The following WNK1 variants were observed in gnomAD, a reference collection of about 807,000 sequenced individuals.
WNK1 encodes the protein serine/threonine-protein kinase WNK1.
A neutral mutation model predicts 222.8 loss-of-function variants in WNK1; 38 were observed. The ratio of observed to expected loss-of-function variants is 0.17; its 90% CI spans 0.13 to 0.22. The LOEUF (loss-of-function observed/expected upper bound fraction) is 0.22. Ranked by LOEUF, WNK1 falls within the 10% of genes least tolerant of loss-of-function variation. The pLI is 1.00. For missense variants in WNK1, 2,348 were observed against 2,918.4 expected (o/e 0.80, Z 4.50); for synonymous variants, 1,090 against 1,092.9 (o/e 1.00, Z 0.05).
At chr12:842,746 T>C (rs1949723044) in intron 4 of WNK1, among the ~76,000 whole-genome samples, 3 of 152,148 alleles carry the variant, frequency 2.0e-5, no homozygotes, top group African/African-American at 7.2e-5. Context: ...AGGGAGATGC[T>C]CAGCAACTGT....
chr12:846,661 CTTTG>C (rs1475386430), intron 4 of WNK1, among the ~76,000 whole-genome samples: 6 of 152,090 alleles, frequency 3.9e-5, no homozygotes, highest in Admixed American at 1.3e-4. Flanking sequence ...TTTTTAATTA[CTTTG>C]TTTGTGTAAT....
At chr12:802,902 A>T in intron 1 of WNK1, among the ~76,000 whole-genome samples, 1 of 152,234 alleles carries the variant, frequency 6.6e-6, no homozygotes, top group East Asian at 1.9e-4. Context: ...AACTAGTTTC[A>T]TAAAGTTAGA....
In WNK1 at chr12:861,185, C is replaced by T; in HGVS notation, c.1793C>T (p.Ala598Val). 1.2e-6 allele frequency: 2 copies of T among 1,614,050 alleles called. No individual in the cohort carries two copies. Among genetic ancestry groups the T allele is most frequent in the Non-Finnish European group, 1.7e-6 (2 of 1,179,986 alleles). The change falls in exon 7 of 28, where the codon GCT becomes GTT. Residue 598 changes from alanine to valine, a missense_variant. Around this residue, in one of 13 missense-constraint regions of WNK1, gnomAD observed 103 missense variants for 111.5 expected, o/e 0.92. Coordinates refer to ENST00000315939, the MANE Select transcript of WNK1 (RefSeq NM_018979.4). The stretch of plus-strand genomic sequence containing the variant: ...AAACAGCAGGTAGAACAATCCAGTG[C>T]TTCCCAGACAGGAATCAAGCAGCTC... The part of the protein sequence containing the change: ...SLKQQVEQSS[A>V]SQTGIKQLPS...
intron 4 of WNK1, among the ~76,000 whole-genome samples, chr12:846,850 G>A (rs541070542): frequency 6.6e-6 from 1 of 152,274 alleles, no homozygotes; most frequent in African/African-American, 2.4e-5. Context: ...ATTAGATGGT[G>A]TTTAAAAAGT....
chr12:851,522 G>C, intron 4 of WNK1: 1 of 1,170,978 alleles, frequency 8.5e-7, no homozygotes, highest in South Asian at 1.7e-5. Context: ...GTTGTTGGCT[G>C]AGTAGAGCAA....
intron 9 of WNK1, among the ~76,000 whole-genome samples, chr12:872,101 A>G (rs927477069): frequency 1.3e-5 from 2 of 152,098 alleles, no homozygotes; most frequent in Non-Finnish European, 2.9e-5. Flanking sequence ...CCTAAGAACA[A>G]TTACTTCAAG....
At chr12:800,454 AATT>A (rs1454459332) in intron 1 of WNK1, among the ~76,000 whole-genome samples, 2 of 152,116 alleles carry the variant, frequency 1.3e-5, no homozygotes, top group African/African-American at 4.8e-5. Context: ...TGCCTGCTAT[AATT>A]ATTTTTTATT....
chr12:831,799 A>G (rs998129514), intron 4 of WNK1, among the ~76,000 whole-genome samples: 4 of 152,188 alleles, frequency 2.6e-5, no homozygotes, highest in Admixed American at 6.5e-5. Flanking sequence ...GAGGTCCCCA[A>G]TAATGTTAAT....
At chr12:834,472 G>A (rs1241162426) in intron 4 of WNK1, among the ~76,000 whole-genome samples, 3 of 152,190 alleles carry the variant, frequency 2.0e-5, no homozygotes, top group Non-Finnish European at 4.4e-5. Context: ...GTGGTGGATA[G>A]GGTAGAGTAA....
intron 26 of WNK1, among the ~76,000 whole-genome samples, chr12:902,036 A>G (rs1955304713): frequency 6.6e-6 from 1 of 151,740 alleles, no homozygotes; most frequent in African/African-American, 2.4e-5. Flanking sequence ...GGTGGCGTAC[A>G]CCTGTAATCC....
chr12:883,193 A>G (rs1468002969), intron 15 of WNK1, 134 bp downstream of exon 15: 40 of 961,718 alleles, frequency 4.2e-5, no homozygotes, highest in Non-Finnish European at 6.4e-5. Context: ...GAATAAAACT[A>G]TCACACCCAA....
chr12:789,195 G>T (rs868347237), intron 1 of WNK1, among the ~76,000 whole-genome samples: 4 of 152,032 alleles, frequency 2.6e-5, no homozygotes, highest in Admixed American at 2.0e-4. Context: ...TTTGTTGATG[G>T]CACCAAACAG....
At chr12:905,138 A>G (rs1219992144) in intron 26 of WNK1, among the ~76,000 whole-genome samples, 1 of 152,214 alleles carries the variant, frequency 6.6e-6, no homozygotes. Context: ...CTTGGGGGTA[A>G]GTCTATACTA....
At position 813,634 on chromosome 12, in the gene WNK1, G is replaced by T. The variant is rs1424434189; in HGVS notation, c.760-8G>T. The T allele has an allele frequency of 1.2e-6, 2 of 1,612,562 alleles. No individual in the cohort carries two copies. Among genetic ancestry groups the T allele is most frequent in the East Asian group, 2.2e-5 (1 of 44,768 alleles). On this transcript the variant is annotated splice_region_variant and splice_polypyrimidine_tract_variant and intron_variant, in intron 1 of 27. Coordinates refer to ENST00000315939, the MANE Select transcript of WNK1 (RefSeq NM_018979.4). ...TAAACCACATTCTGTTTTGGTTTTT[G>T]ATTTTAGGATCGAAAATTAACAAAG...
intron 1 of WNK1, among the ~76,000 whole-genome samples, chr12:801,170 A>G (rs925843131): frequency 3.3e-5 from 5 of 152,102 alleles, no homozygotes; most frequent in Non-Finnish European, 7.4e-5. Flanking sequence ...ATCTGGAGGG[A>G]AAGTGGGTAA....
intron 26 of WNK1, among the ~76,000 whole-genome samples, chr12:905,935 TC>T (rs1212323271): frequency 6.6e-6 from 1 of 152,142 alleles, no homozygotes; most frequent in Non-Finnish European, 1.5e-5. Context: ...CATGTGACCT[TC>T]CTCACTGCAG....
chr12:773,039 A>G (rs1234142420), intron 1 of WNK1, among the ~76,000 whole-genome samples: 2 of 152,166 alleles, frequency 1.3e-5, no homozygotes, highest in Non-Finnish European at 2.9e-5. Flanking sequence ...CGGGCAGATC[A>G]CCTGAGGTCA....
intron 1 of WNK1, among the ~76,000 whole-genome samples, chr12:786,448 T>A (rs1944312190): frequency 6.6e-6 from 1 of 151,638 alleles, no homozygotes; most frequent in Non-Finnish European, 1.5e-5. Context: ...CACATTTGTT[T>A]TATTTGTTCC....
In WNK1 at chr12:885,748, A is replaced by T. The variant is rs750700032; in HGVS notation, c.4944A>T (p.Gly1648=). 1 of 1,614,196 alleles carries T rather than the reference A, an allele frequency of 6.2e-7. No homozygotes were observed. Among genetic ancestry groups the T allele is most frequent in the Non-Finnish European group, 8.5e-7 (1 of 1,180,024 alleles). ...CTGATACACAACCCAAAGCTCCTGG[A>T]ATTGATGACATAAAGACTCTAGAAG... ...VDSDTQPKAP[G]IDDIKTLEEK... is the part of the protein sequence containing the mutation. Residue 1648 remains glycine, a synonymous_variant, in exon 19 of 28, where the codon GGA becomes GGT. Coordinates refer to ENST00000315939, the MANE Select transcript of WNK1 (RefSeq NM_018979.4).
Sources: gnomAD v4.1 joint callset for allele counts (sites outside exome capture counted in the v4.1 genomes callset) on GRCh38, gnomAD v4.1.1 for gene constraint, gnomAD v4.1.1 regional missense constraint, MANE v1.5 for transcripts, NCBI Gene and HGNC (gene_info 2026-07-23, HGNC 2026-07-21) for gene names.